FARP1: variants seen among roughly 807,000 people sequenced by gnomAD.
FARP1 encodes the protein FERM, ARH/RhoGEF and pleckstrin domain protein 1.
Under a neutral mutation model 128.8 loss-of-function variants are expected in FARP1, and 52 were observed. That is an observed-to-expected ratio of 0.40 (90% confidence interval 0.32 to 0.51). FARP1 has a LOEUF of 0.51. FARP1 is among the 20% of genes least tolerant of loss of function. FARP1 has a pLI of 0.45. For missense variants in FARP1, 1,333 were observed against 1,367.9 expected, an observed-to-expected ratio of 0.97 and a Z score of 0.40; for synonymous variants, 580 against 551.8, an observed-to-expected ratio of 1.05 and a Z score of -0.72.
At chr13:98,271,027 T>C (rs1566816947) in intron 2 of FARP1, among the ~76,000 whole-genome samples, 1 of 152,200 alleles carries the variant, frequency 6.6e-6, no homozygotes, top group Non-Finnish European at 1.5e-5. Context: ...TGAGCTCTCT[T>C]TTCATGAAGA....
At chr13:98,352,366 C>T (rs189171291) in intron 3 of FARP1, among the ~76,000 whole-genome samples, 25 of 152,274 alleles carry the variant, frequency 1.6e-4, no homozygotes, top group African/African-American at 5.8e-4. Flanking sequence ...AGGGCTGGAG[C>T]AGCTGTGCTC....
intron 5 of FARP1, among the ~76,000 whole-genome samples, chr13:98,374,048 G>A (rs1182156561): frequency 6.6e-6 from 1 of 152,126 alleles, no homozygotes; most frequent in Non-Finnish European, 1.5e-5. Context: ...GCATACATAT[G>A]TACTTTTCAT....
At chr13:98,404,000 A>T in intron 13 of FARP1, 1 of 150,384 alleles carries the variant, frequency 6.6e-6, no homozygotes, top group Non-Finnish European at 1.5e-5. Context: ...CACTGCCTCC[A>T]CCACCACCAC....
At chr13:98,270,804 ATTTTTTTC>A (rs1366907337) in intron 2 of FARP1, among the ~76,000 whole-genome samples, 1 of 152,092 alleles carries the variant, frequency 6.6e-6, no homozygotes, top group African/African-American at 2.4e-5. Context: ...ATATCTTTTA[ATTTTTTTC>A]TTTTCTCTCT....
intron 2 of FARP1, among the ~76,000 whole-genome samples, chr13:98,294,261 C>A (rs1885567480): frequency 6.6e-6 from 1 of 152,120 alleles, no homozygotes; most frequent in Non-Finnish European, 1.5e-5. Flanking sequence ...AGTGAAGAAA[C>A]TCATTTGCAA....
chr13:98,277,109 TACACACACACACACACACAC>T (rs368911842), intron 2 of FARP1, among the ~76,000 whole-genome samples: 1 of 118,140 alleles, frequency 8.5e-6, no homozygotes, highest in African/African-American at 3.1e-5. Flanking sequence ...TCTAGAAAAA[TACACACACACACACACACAC>T]ACACACACAC....
intron 16 of FARP1, among the ~76,000 whole-genome samples, chr13:98,415,825 G>T (rs1243885802): frequency 6.6e-6 from 1 of 152,266 alleles, no homozygotes; most frequent in Non-Finnish European, 1.5e-5. Flanking sequence ...GGAAGCGCAG[G>T]TTGGCTCCTG....
At chr13:98,432,721 A>ATGACC (rs1892082256) in intron 18 of FARP1, 1 of 151,922 alleles carries the variant, frequency 6.6e-6, no homozygotes, top group Non-Finnish European at 1.5e-5. Flanking sequence ...GGAAGTCTTC[A>ATGACC]TGACCTGGCC....
intron 19 of FARP1, chr13:98,435,960 C>T: frequency 1.9e-6 from 1 of 523,584 alleles, no homozygotes. Flanking sequence ...TACCTTTTCC[C>T]CTACCATATC....
At position 98,256,802 on chromosome 13, in the gene FARP1, C is replaced by G. The variant is rs1259651762; in HGVS notation, c.171+43389C>G. ...CTCAAACTCCTGGCCTCAAGTGATC[C>G]ACCCGCCTCAGCCTCCCAAAGTGCT... is the stretch of plus-strand genomic sequence containing the variant. On this transcript the variant is annotated intron_variant, in intron 2 of 26. Transcript: ENST00000319562. Among the ~76,000 whole-genome samples the G allele has an allele frequency of 4.7e-5, 7 of 149,446 alleles. No individual in the cohort carries two copies. In the South Asian group the frequency reaches 8.4e-4, roughly 18 times the overall value.
At chr13:98,188,800 G>A (rs1205014152) in intron 1 of FARP1, among the ~76,000 whole-genome samples, 11 of 152,232 alleles carry the variant, frequency 7.2e-5, no homozygotes, top group Non-Finnish European at 1.5e-4. Flanking sequence ...TCCTTCAGAA[G>A]TGTTCGGGGG....
intron 2 of FARP1, among the ~76,000 whole-genome samples, chr13:98,263,982 C>G (rs1186029703): frequency 1.3e-5 from 2 of 152,320 alleles, no homozygotes; most frequent in East Asian, 3.9e-4. Context: ...TGGCCTTGCA[C>G]AAATCACCTT....
chr13:98,413,309 C>T (rs1422421647), intron 16 of FARP1, among the ~76,000 whole-genome samples: 1 of 152,112 alleles, frequency 6.6e-6, no homozygotes, highest in Non-Finnish European at 1.5e-5. Context: ...ATTGAAAATG[C>T]CACGTTAGCA....
intron 2 of FARP1, among the ~76,000 whole-genome samples, chr13:98,219,060 C>CT (rs1881267351): frequency 6.6e-6 from 1 of 152,108 alleles, no homozygotes. Flanking sequence ...TGTAACAGTT[C>CT]TTTCATTCCT....
chr13:98,271,371 G>A (rs908600482), intron 2 of FARP1, among the ~76,000 whole-genome samples: 4 of 152,044 alleles, frequency 2.6e-5, no homozygotes, highest in African/African-American at 9.7e-5. Flanking sequence ...CTCTTACATT[G>A]ACAGTACTGA....
At chr13:98,441,212 C>T (rs1256915144) in intron 24 of FARP1, among the ~76,000 whole-genome samples, 1 of 152,206 alleles carries the variant, frequency 6.6e-6, no homozygotes, top group Admixed American at 6.5e-5. Flanking sequence ...TGTCCTGAAC[C>T]GCCCCACGGG....
intron 2 of FARP1, among the ~76,000 whole-genome samples, chr13:98,223,414 C>T (rs1594289882): frequency 6.6e-6 from 1 of 152,332 alleles, no homozygotes; most frequent in Non-Finnish European, 1.5e-5. Flanking sequence ...CAACCTCCGC[C>T]TCCGGGGTTC....
intron 2 of FARP1, among the ~76,000 whole-genome samples, chr13:98,341,501 G>A (rs1403594305): frequency 2.6e-5 from 4 of 152,048 alleles, no homozygotes; most frequent in African/African-American, 7.2e-5. Context: ...GCGTGGTGGC[G>A]GGCGCCTGTA....
intron 1 of FARP1, among the ~76,000 whole-genome samples, chr13:98,206,836 A>G (rs1345720699): frequency 3.9e-5 from 6 of 152,256 alleles, no homozygotes. Context: ...AAGGTCTGGA[A>G]TAATCACTTT....
Sources: allele counts gnomAD v4.1 joint callset (sites outside exome capture counted in the v4.1 genomes callset), GRCh38; gene constraint gnomAD v4.1.1; transcripts MANE v1.5; gene names NCBI Gene and HGNC (gene_info 2026-07-23, HGNC 2026-07-21).